SPSB4: variants seen among roughly 807,000 people sequenced by gnomAD.
SPSB4 encodes splA/ryanodine receptor domain and SOCS box containing 4, also known as SPRY domain-containing SOCS box protein 4.
A neutral mutation model predicts 20.9 loss-of-function variants in SPSB4; 21 were observed. The ratio of observed to expected loss-of-function variants is 1.01; its 90% CI spans 0.71 to 1.45. The LOEUF is 1.45. Among genes scored for constraint, SPSB4 ranks in the 40% most tolerant of loss-of-function variants. SPSB4 has a pLI of 0.00. For missense variants in SPSB4, 399 were observed against 399.2 expected, an observed-to-expected ratio of 1.00 and a Z score of 0.00; for synonymous variants, 207 against 183.8, an observed-to-expected ratio of 1.13 and a Z score of -1.02.
chr3:141,066,619 C>A lies in SPSB4; in HGVS notation c.515C>A (p.Ala172Glu), dbSNP rs371394138. The change falls in exon 2 of 3, where the codon GCG (alanine) becomes GAG (glutamate). Residue 172 changes from alanine (A) to glutamate (E), a missense_variant. Physicochemically the swap from Ala to Glu is moderately radical, Grantham distance 107 (BLOSUM62 -1). Transcript: ENST00000310546. Reference protein sequence around the residue: ...PAFLGPDEAFALPDSLLVVLD... With the variant: ...PAFLGPDEAFELPDSLLVVLD... The stretch of plus-strand genomic sequence containing the variant: ...TTTCTGGGGCCCGACGAGGCCTTTG[C>A]GCTGCCCGACTCGCTGCTCGTGGTG... The A allele has an allele frequency of 3.1e-5, 50 of 1,602,966 alleles. No homozygotes were observed. Among genetic ancestry groups the A allele is most frequent in the Non-Finnish European group, 3.7e-5 (44 of 1,174,812 alleles).
At chr3:141,109,880 A>C (rs1938765238) in intron 2 of SPSB4, among the ~76,000 whole-genome samples, 1 of 152,190 alleles carries the variant, frequency 6.6e-6, no homozygotes, top group South Asian at 2.1e-4. Context: ...GAGAGAGCCC[A>C]GGTGCTATTT....
intron 2 of SPSB4, among the ~76,000 whole-genome samples, chr3:141,075,087 G>A (rs1385864705): frequency 6.6e-6 from 1 of 151,736 alleles, no homozygotes; most frequent in Non-Finnish European, 1.5e-5. Context: ...CCTTGAAAAT[G>A]TTCCCCATCA....
At chr3:141,143,039 A>C (rs1939361298) in intron 2 of SPSB4, among the ~76,000 whole-genome samples, 1 of 151,838 alleles carries the variant, frequency 6.6e-6, no homozygotes, top group South Asian at 2.1e-4. Context: ...GATGGTCTCC[A>C]TCTCCTGACT....
chr3:141,108,422 T>C (rs995736638), intron 2 of SPSB4, among the ~76,000 whole-genome samples: 8 of 152,140 alleles, frequency 5.3e-5, no homozygotes, highest in Non-Finnish European at 1.0e-4. Context: ...TGTTAAAAAT[T>C]AACTTTCCCA....
rs778941470 is a variant in SPSB4 at position 141,147,189 on chromosome 3, G to A, written c.742G>A (p.Ala248Thr). The A allele has an allele frequency of 1.5e-5, 24 of 1,614,056 alleles. No homozygotes were observed. The highest frequency in any genetic ancestry group is 2.0e-5 in the Non-Finnish European group (24 of 1,180,036). The change falls in exon 3 of 3, where the codon GCC becomes ACC. Residue 248 changes from alanine (A) to threonine (T), a missense_variant. Physicochemically the swap from Ala to Thr is moderately conservative, Grantham distance 58. Coordinates refer to ENST00000310546, the MANE Select transcript of SPSB4 (RefSeq NM_080862.3). ...MDLCRRSIRS[A>T]LGRQRLQDIS... is the part of the protein sequence containing the mutation. Reference sequence around the variant, plus strand: ...CCTGTGCCGGAGATCCATCCGCTCGGCCCTGGGCCGCCAGCGCCTGCAGGA... The same window carrying A: ...CCTGTGCCGGAGATCCATCCGCTCGACCCTGGGCCGCCAGCGCCTGCAGGA...
chr3:141,072,309 A>G (rs899412529), intron 2 of SPSB4, among the ~76,000 whole-genome samples: 6 of 152,194 alleles, frequency 3.9e-5, no homozygotes, highest in African/African-American at 1.4e-4. Context: ...TAGGGACATC[A>G]TATGTGCCTA....
chr3:141,093,303 C>T (rs1342496406), intron 2 of SPSB4, among the ~76,000 whole-genome samples: 1 of 151,638 alleles, frequency 6.6e-6, no homozygotes, highest in African/African-American at 2.4e-5. Flanking sequence ...TCTAGTAATG[C>T]CATACATTGC....
At chr3:141,089,050 T>C (rs1307271848) in intron 2 of SPSB4, among the ~76,000 whole-genome samples, 1 of 152,216 alleles carries the variant, frequency 6.6e-6, no homozygotes, top group Non-Finnish European at 1.5e-5. Flanking sequence ...TCCTTCATGA[T>C]TGAATGAAAC....
At chr3:141,099,246 G>A (rs969189770) in intron 2 of SPSB4, among the ~76,000 whole-genome samples, 11 of 150,484 alleles carry the variant, frequency 7.3e-5, no homozygotes, top group South Asian at 2.1e-4. Context: ...GTGCAGTGGC[G>A]CGATCTCGAC....
At chr3:141,122,172 C>T (rs546529354) in intron 2 of SPSB4, among the ~76,000 whole-genome samples, 1 of 152,328 alleles carries the variant, frequency 6.6e-6, no homozygotes, top group East Asian at 1.9e-4. Flanking sequence ...ACAGTTGGGC[C>T]TCTCAGATGC....
At chr3:141,060,963 C>A (rs910040746) in intron 1 of SPSB4, among the ~76,000 whole-genome samples, 3 of 152,074 alleles carry the variant, frequency 2.0e-5, no homozygotes, top group Non-Finnish European at 4.4e-5. Flanking sequence ...AGGAGTTTGA[C>A]ATATATTTGT....
At chr3:141,143,004 A>G (rs1025692580) in intron 2 of SPSB4, among the ~76,000 whole-genome samples, 12 of 150,876 alleles carry the variant, frequency 8.0e-5, no homozygotes, top group East Asian at 5.9e-4. Flanking sequence ...TTTTAGTAGA[A>G]ATGGGGTTTC....
chr3:141,098,327 G>A (rs1938572972), intron 2 of SPSB4, among the ~76,000 whole-genome samples: 1 of 152,070 alleles, frequency 6.6e-6, no homozygotes, highest in Non-Finnish European at 1.5e-5. Flanking sequence ...AATCCTGTTG[G>A]TATTTTGATT....
chr3:141,126,322 G>A (rs1272070451), intron 2 of SPSB4, among the ~76,000 whole-genome samples: 1 of 152,076 alleles, frequency 6.6e-6, no homozygotes, highest in Non-Finnish European at 1.5e-5. Flanking sequence ...AGCAGCCCAG[G>A]TCCCAGCCAG....
At chr3:141,102,232 A>G (rs1283596847) in intron 2 of SPSB4, among the ~76,000 whole-genome samples, 1 of 152,226 alleles carries the variant, frequency 6.6e-6, no homozygotes, top group African/African-American at 2.4e-5. Context: ...TAACTGAGTA[A>G]TATATACAGA....
intron 1 of SPSB4, among the ~76,000 whole-genome samples, chr3:141,052,497 C>T (rs532732673): frequency 6.6e-6 from 1 of 152,196 alleles, no homozygotes; most frequent in African/African-American, 2.4e-5. Context: ...AGCTTGTTAT[C>T]CAACTTTCCG....
intron 2 of SPSB4, among the ~76,000 whole-genome samples, chr3:141,070,543 A>T (rs985184099): frequency 5.3e-5 from 8 of 152,016 alleles, no homozygotes; most frequent in East Asian, 1.9e-4. Context: ...TGGCTAATTT[A>T]AAAAAAAATT....
At chr3:141,095,113 G>C (rs1938524506) in intron 2 of SPSB4, among the ~76,000 whole-genome samples, 1 of 152,146 alleles carries the variant, frequency 6.6e-6, no homozygotes, top group Non-Finnish European at 1.5e-5. Context: ...TAGAGGTGGG[G>C]AAGAGGCCGA....
chr3:141,054,379 C>T (rs1936146600), intron 1 of SPSB4, among the ~76,000 whole-genome samples: 1 of 152,154 alleles, frequency 6.6e-6, no homozygotes, highest in Non-Finnish European at 1.5e-5. Context: ...GTGAACATGA[C>T]CATCTGTGGT....
Sources: allele counts gnomAD v4.1 joint callset (sites outside exome capture counted in the v4.1 genomes callset), GRCh38; gene constraint gnomAD v4.1.1; transcripts MANE v1.5; gene names NCBI Gene and HGNC (gene_info 2026-07-23, HGNC 2026-07-21).